NOS1: variants seen among roughly 807,000 people sequenced by gnomAD.
The protein encoded by NOS1 is NOS type I.
Under a neutral mutation model 164.5 loss-of-function variants are expected in NOS1, and 51 were observed. The ratio of observed to expected loss-of-function variants is 0.31; its 90% CI spans 0.25 to 0.39. The LOEUF (loss-of-function observed/expected upper bound fraction) is 0.39. NOS1 is among the 10% of genes least tolerant of loss of function. NOS1 has a pLI of 1.00. For missense variants in NOS1, 1,362 were observed against 1,885.6 expected, an observed-to-expected ratio of 0.72 and a Z score of 5.14; for synonymous variants, 719 against 745.8, an observed-to-expected ratio of 0.96 and a Z score of 0.59.
At chr12:117,244,210 TCTTTGA>T (rs951905483) in intron 18 of NOS1, among the ~76,000 whole-genome samples, 1 of 152,158 alleles carries the variant, frequency 6.6e-6, no homozygotes, top group South Asian at 2.1e-4. Flanking sequence ...GCTCACTTGT[TCTTTGA>T]CTTTAACAAT....
intron 2 of NOS1, among the ~76,000 whole-genome samples, chr12:117,316,193 T>C (rs1566073118): frequency 6.6e-6 from 1 of 152,142 alleles, no homozygotes; most frequent in Non-Finnish European, 1.5e-5. Flanking sequence ...CTCCAAAGAC[T>C]GGGAATTGAA....
chr12:117,349,548 C>T (rs989555483), intron 1 of NOS1, among the ~76,000 whole-genome samples: 4 of 152,176 alleles, frequency 2.6e-5, no homozygotes, highest in Non-Finnish European at 5.9e-5. Context: ...AACACAAATG[C>T]TACTCTAAAA....
chr12:117,218,207 A>G (rs1956641905), intron 27 of NOS1, 43 bp from the exon 28 acceptor site: 1 of 1,457,350 alleles, frequency 6.9e-7, no homozygotes. Flanking sequence ...CAAATGCCAG[A>G]TAAAGGCTTG....
chr12:117,265,573 T>C (rs910409384), intron 11 of NOS1, 63 bp from the exon 12 acceptor site: 93 of 1,265,110 alleles, frequency 7.4e-5, no homozygotes, highest in Middle Eastern at 5.3e-4. Flanking sequence ...TGGGACTCCC[T>C]GCCCCAAAGA....
intron 1 of NOS1, among the ~76,000 whole-genome samples, chr12:117,341,328 C>A (rs1001424766): frequency 3.3e-5 from 5 of 152,226 alleles, no homozygotes; most frequent in African/African-American, 1.2e-4. Flanking sequence ...AAAGATGCAT[C>A]CAGAAGCACT....
rs184655263 is a variant in NOS1, at chr12:117,211,925, C to T, written c.*3384G>A. ...ACTAAAAATACAAAACTTAGCTGGG[C>T]GTGGTGGTAGGCGCCTGTAGTCCCA... On this transcript the variant is annotated 3_prime_UTR_variant, in exon 29 of 29. Coordinates refer to ENST00000317775, the MANE Select transcript of NOS1 (RefSeq NM_000620.5). 1.7e-5 allele frequency: 12 copies of T among 690,692 alleles called. No homozygotes were observed. In the Admixed American group the frequency reaches 1.9e-4, roughly 11 times the overall value. The allele number at this position is 690,692 out of a possible 1,614,324, so 42.8% of individuals were successfully genotyped here. A position where few individuals can be genotyped will look rare whatever the true frequency, so the allele number is the denominator to read the frequency against.
At chr12:117,265,930 A>G (rs1365492672) in intron 11 of NOS1, among the ~76,000 whole-genome samples, 1 of 149,450 alleles carries the variant, frequency 6.7e-6, no homozygotes, top group Non-Finnish European at 1.5e-5. Context: ...AGCTGGGACT[A>G]CAGGCGCCCG....
At position 117,268,113 on chromosome 12, in the gene NOS1, C is replaced by T; in HGVS notation, c.1871G>A (p.Arg624Lys). 1 of 1,614,050 alleles carries T rather than the reference C, an allele frequency of 6.2e-7. No homozygotes were observed. Among genetic ancestry groups the T allele is most frequent in the South Asian group, 1.1e-5 (1 of 91,074 alleles). The change falls in exon 11 of 29, where the codon AGG becomes AAG. Residue 624 changes from arginine to lysine, a missense_variant. Coordinates refer to ENST00000317775, the MANE Select transcript of NOS1 (RefSeq NM_000620.5). ...EVAKKMNLDM[R>K]KTSSLWKDQA... Reference sequence around the variant, plus strand: ...GTCCTTCCACAGGGAGGACGTCTTCCTCATGTCTAAGTTCATCTTCTTGGC... The same window carrying T: ...GTCCTTCCACAGGGAGGACGTCTTCTTCATGTCTAAGTTCATCTTCTTGGC...
chr12:117,320,369 G>A (rs1593019833), intron 2 of NOS1, among the ~76,000 whole-genome samples: 1 of 152,282 alleles, frequency 6.6e-6, no homozygotes, highest in East Asian at 1.9e-4. Context: ...GAAGCAAGAT[G>A]CTCTGCTCCT....
chr12:117,350,989 C>T (rs537044921), intron 1 of NOS1, among the ~76,000 whole-genome samples: 1 of 152,336 alleles, frequency 6.6e-6, no homozygotes, highest in Non-Finnish European at 1.5e-5. Flanking sequence ...TGGCGGGCGC[C>T]TGTAGTCCCA....
chr12:117,268,630 C>A (rs1364196767), intron 10 of NOS1, among the ~76,000 whole-genome samples: 1 of 145,982 alleles, frequency 6.9e-6, no homozygotes, highest in Non-Finnish European at 1.5e-5. Flanking sequence ...TGCTCTGTCA[C>A]CCAGGCTGGA....
intron 1 of NOS1, among the ~76,000 whole-genome samples, chr12:117,343,274 G>GAGGA (rs374606107): frequency 1.1e-3 from 173 of 151,792 alleles, no homozygotes; most frequent in South Asian, 7.7e-3. Context: ...GGGAGGGAGG[G>GAGGA]AGGAAGGAAG....
rs758367753 is a variant in NOS1 at position 117,234,738 on chromosome 12, C to T, written c.3062G>A (p.Arg1021His). 8 of 1,612,598 alleles carry T rather than the reference C, an allele frequency of 5.0e-6. No individual in the cohort carries two copies. The highest frequency in any genetic ancestry group is 3.3e-5 in the Admixed American group (2 of 59,930). The part of the protein sequence containing the change: ...PKSSRSTIFV[R>H]LHTNGSQELQ... ...CTCCTGGCTCCCGTTGGTGTGGAGA[C>T]GCACGAAGATAGTTGACCGACTGCA... Residue 1021 changes from arginine to histidine, a missense_variant, in exon 21 of 29, where the codon CGT becomes CAT. Arg to His is a conservative substitution (Grantham distance 29). Around this residue, in one of 4 missense-constraint regions of NOS1, gnomAD observed 737 missense variants for 1,030.3 expected, o/e 0.72. Transcript: ENST00000317775. The surrounding 1 kb of genome is among the most constrained non-coding windows in gnomAD (Gnocchi z 4.3).
intron 4 of NOS1, among the ~76,000 whole-genome samples, chr12:117,289,314 G>T (rs1034823682): frequency 2.0e-5 from 3 of 152,164 alleles, no homozygotes; most frequent in Non-Finnish European, 4.4e-5. Flanking sequence ...CAAATAAAAA[G>T]CATTTACATA....
At chr12:117,273,374 A>G (rs1256916920) in intron 9 of NOS1, among the ~76,000 whole-genome samples, 1 of 152,122 alleles carries the variant, frequency 6.6e-6, no homozygotes, top group Non-Finnish European at 1.5e-5. Flanking sequence ...GAGTTCCCAG[A>G]TATCAGGCAG....
chr12:117,343,580 G>A (rs1876214217), intron 1 of NOS1, among the ~76,000 whole-genome samples: 1 of 152,156 alleles, frequency 6.6e-6, no homozygotes, highest in African/African-American at 2.4e-5. Context: ...TAGTTGCCAA[G>A]ACTTTCGTAA....
chr12:117,239,457 T>G (rs16947370), intron 20 of NOS1, among the ~76,000 whole-genome samples: 2,851 of 152,360 alleles, frequency 0.019, 93 homozygotes, highest in African/African-American at 0.064. Flanking sequence ...TGCTAATTGT[T>G]GTACGTGCAT....
At position 117,212,668 on chromosome 12, in the gene NOS1, AC is replaced by A; in HGVS notation, c.*2640del. ...AAATAAATGGGCCATAACCCGAATAACCCCCAAATATCTTGTCAACCCTATT... is the reference window on the plus strand; with the variant it reads ...AAATAAATGGGCCATAACCCGAATAACCCCAAATATCTTGTCAACCCTATT... On this transcript the variant is annotated 3_prime_UTR_variant, in exon 29 of 29. Transcript: ENST00000317775. 8.1e-6 allele frequency: 8 copies of A among 985,222 alleles called. No homozygotes were observed. The highest frequency in any genetic ancestry group is 9.6e-6 in the Non-Finnish European group (8 of 829,896). 61.0% of individuals were successfully genotyped at this position (985,222 alleles called of 1,614,324 possible).
In NOS1 at chr12:117,311,452, C is replaced by T; in HGVS notation, c.852+14G>A. On this transcript the variant is annotated intron_variant, in intron 3 of 28. Transcript: ENST00000317775. ...GTGGGAAGCAGTGGTACCAGCTTGG[C>T]ATCAAGCACTTACCTGCTCCTTCTC... 6.3e-7 allele frequency: 1 copy of T among 1,593,582 alleles called. No homozygotes were observed. The highest frequency in any genetic ancestry group is 8.5e-7 in the Non-Finnish European group (1 of 1,169,700).
Sources: allele counts gnomAD v4.1 joint callset (sites outside exome capture counted in the v4.1 genomes callset), GRCh38; gene constraint gnomAD v4.1.1; regional missense constraint gnomAD v4.1.1; non-coding constraint Gnocchi (gnomAD v3.1); transcripts MANE v1.5; gene names NCBI Gene and HGNC (gene_info 2026-07-23, HGNC 2026-07-21).